Variants in CLDN10 observed in about 807,000 individuals in gnomAD.
The protein encoded by CLDN10 is claudin-10.
In CLDN10, 15 loss-of-function variants were observed where a neutral mutation model predicts 22.9. That is an observed-to-expected ratio of 0.65 (90% CI 0.44 to 1.01). The LOEUF (loss-of-function observed/expected upper bound fraction) is 1.01, where lower values mean the gene tolerates loss of function less well. Ranked by LOEUF, CLDN10 falls within the 50% of genes least tolerant of loss-of-function variation. CLDN10 has a pLI of 0.00. For missense variants in CLDN10, 247 were observed against 287.8 expected, an observed-to-expected ratio of 0.86 and a Z score of 1.03; for synonymous variants, 114 against 111.4, an observed-to-expected ratio of 1.02 and a Z score of -0.15.
At chr13:95,449,191 A>T (rs79369317) in intron 1 of CLDN10, among the ~76,000 whole-genome samples, 12,502 of 152,122 alleles carry the variant, frequency 0.082, 756 homozygotes, top group South Asian at 0.22. Context: ...GAATCCCAGG[A>T]CTGCTGCTAC....
rs1476273253 is a variant in CLDN10 at position 95,443,039 on chromosome 13, C to A, written c.214+8992C>A. ...TACGAAGTGCTTTCACATACATTGT[C>A]ATAGTTCTCCAGAAGACTGATACTC... On this transcript the variant is annotated intron_variant, in intron 1 of 4. Transcript: ENST00000376873. Among the ~76,000 whole-genome samples the A allele has an allele frequency of 2.0e-5, 3 of 152,184 alleles. No homozygotes were observed. The East Asian group carries it at 5.8e-4, about 29-fold the overall frequency.
intron 1 of CLDN10, among the ~76,000 whole-genome samples, chr13:95,462,833 GAT>G (rs1224090046): frequency 6.6e-6 from 1 of 152,172 alleles, no homozygotes; most frequent in Non-Finnish European, 1.5e-5. Flanking sequence ...CGACTCAAAA[GAT>G]ACTGTGATGC....
chr13:95,537,838 T>C (rs1350116787), intron 1 of CLDN10, among the ~76,000 whole-genome samples: 1 of 152,230 alleles, frequency 6.6e-6, no homozygotes, highest in African/African-American at 2.4e-5. Flanking sequence ...TAATTTGGAT[T>C]GGCTTCCAGC....
At chr13:95,491,793 G>C (rs552395388) in intron 1 of CLDN10, among the ~76,000 whole-genome samples, 1 of 152,284 alleles carries the variant, frequency 6.6e-6, no homozygotes, top group South Asian at 2.1e-4. Context: ...ACTTGGATAG[G>C]CTCTGTCAGA....
chr13:95,447,997 G>A (rs961562284), intron 1 of CLDN10, among the ~76,000 whole-genome samples: 2 of 152,062 alleles, frequency 1.3e-5, no homozygotes, highest in Non-Finnish European at 2.9e-5. Flanking sequence ...CTGTGCCTGC[G>A]GCGAGAGGTG....
chr13:95,547,897 A>C (rs770298106), upstream of CLDN10, among the ~76,000 whole-genome samples: 3 of 152,228 alleles, frequency 2.0e-5, no homozygotes, highest in Non-Finnish European at 2.9e-5. Context: ...GGGAGGCAGA[A>C]AGTGGGAATA....
chr13:95,445,051 C>T (rs1181736540), intron 1 of CLDN10, among the ~76,000 whole-genome samples: 1 of 152,230 alleles, frequency 6.6e-6, no homozygotes, highest in Non-Finnish European at 1.5e-5. Flanking sequence ...GCTGGGATTA[C>T]AGGCAGGAGC....
chr13:95,538,149 A>ATTT (rs2043420171), intron 1 of CLDN10, among the ~76,000 whole-genome samples: 1 of 60,648 alleles, frequency 1.6e-5, no homozygotes. Context: ...CAAACTGTTT[A>ATTT]TTTCTTTTTT....
In CLDN10 at chr13:95,471,416, T is replaced by C. The variant is rs1244245182; in HGVS notation, c.214+37369T>C. 2.8e-4 allele frequency among the ~76,000 whole-genome samples: 32 copies of C among 115,310 alleles called. No homozygotes were observed. The East Asian group carries it at 6.5e-3, about 23-fold the overall frequency. 75.6% of individuals were successfully genotyped at this position (115,310 alleles called of 152,430 possible). On this transcript the variant is annotated intron_variant, in intron 1 of 4. Transcript: ENST00000376873. Reference sequence around the variant, plus strand: ...ACACATGTATATATACACACACACATATACACACACACACACACACACACA... The same window carrying C: ...ACACATGTATATATACACACACACACATACACACACACACACACACACACA...
chr13:95,570,455 A>G (rs1297182643), intron 3 of CLDN10, among the ~76,000 whole-genome samples: 1 of 152,208 alleles, frequency 6.6e-6, no homozygotes, highest in South Asian at 2.1e-4. Context: ...ATTAGCCAAC[A>G]TTAGATTTAG....
rs546191968 is a variant in CLDN10, at chr13:95,552,954, C to T, written c.201C>T (p.Pro67=). The part of the protein sequence containing the change: ...STGVSNCKDF[P]SMLALDGYIQ... ...GCGTCTCCAACTGCAAGGACTTCCCCTCCATGCTGGCGCTGGACGGTCTGC... is the reference window on the plus strand; with the variant it reads ...GCGTCTCCAACTGCAAGGACTTCCCTTCCATGCTGGCGCTGGACGGTCTGC... The change falls in exon 1 of 5, where the codon CCC becomes CCT. Residue 67 remains proline (P), a synonymous_variant. Coordinates refer to ENST00000299339, the MANE Select transcript of CLDN10 (RefSeq NM_006984.5). 9 of 1,614,012 alleles carry T rather than the reference C, an allele frequency of 5.6e-6. No homozygotes were observed. Among genetic ancestry groups the T allele is most frequent in the Admixed American group, 3.3e-5 (2 of 60,026 alleles).
At chr13:95,499,795 T>C (rs1488766163) in intron 1 of CLDN10, among the ~76,000 whole-genome samples, 1 of 152,068 alleles carries the variant, frequency 6.6e-6, no homozygotes, top group African/African-American at 2.4e-5. Context: ...TGGGAAGGGA[T>C]TTAGCACTAG....
intron 1 of CLDN10, among the ~76,000 whole-genome samples, chr13:95,462,819 T>C (rs562743542): frequency 6.6e-6 from 1 of 151,070 alleles, no homozygotes; most frequent in Non-Finnish European, 1.5e-5. Flanking sequence ...GGGGAAAATA[T>C]AAACGACTCA....
intron 1 of CLDN10, among the ~76,000 whole-genome samples, chr13:95,531,675 G>T (rs199584007): frequency 1.3e-5 from 2 of 149,214 alleles, no homozygotes; most frequent in Non-Finnish European, 3.0e-5. Context: ...GACTACAGGC[G>T]CCCACCACCA....
chr13:95,532,845 C>T (rs1012706574), intron 1 of CLDN10, among the ~76,000 whole-genome samples: 3 of 117,262 alleles, frequency 2.6e-5, no homozygotes, highest in African/African-American at 9.7e-5. Context: ...TGTGCAACAA[C>T]ATAGATGAGT....
At chr13:95,467,524 T>C (rs1190390962) in intron 1 of CLDN10, among the ~76,000 whole-genome samples, 1 of 132,576 alleles carries the variant, frequency 7.5e-6, no homozygotes, top group African/African-American at 2.6e-5. Flanking sequence ...CTCTATTGTT[T>C]TTTTTGGGGG....
At chr13:95,489,497 A>G (rs2042846210) in intron 1 of CLDN10, among the ~76,000 whole-genome samples, 1 of 151,808 alleles carries the variant, frequency 6.6e-6, no homozygotes, top group African/African-American at 2.4e-5. Context: ...GCATTCTTTC[A>G]TATGTTTGTT....
chr13:95,574,524 C>A (rs566064187), intron 3 of CLDN10, among the ~76,000 whole-genome samples: 111 of 152,244 alleles, frequency 7.3e-4, no homozygotes, highest in Non-Finnish European at 1.1e-3. Flanking sequence ...AATCTCAGCC[C>A]TTTAGGAGGC....
intron 3 of CLDN10, among the ~76,000 whole-genome samples, chr13:95,563,403 A>G (rs2043744093): frequency 6.6e-6 from 1 of 152,164 alleles, no homozygotes; most frequent in Non-Finnish European, 1.5e-5. Flanking sequence ...AACACCTACA[A>G]TTCACCAATT....
Sources: gnomAD v4.1 joint callset for allele counts (sites outside exome capture counted in the v4.1 genomes callset) on GRCh38, gnomAD v4.1.1 for gene constraint, MANE v1.5 for transcripts, NCBI Gene and HGNC (gene_info 2026-07-23, HGNC 2026-07-21) for gene names.